ELFN1: variants seen among roughly 807,000 people sequenced by gnomAD.
The protein encoded by ELFN1 is extracellular leucine rich repeat and fibronectin type III domain containing 1, also known as protein ELFN1.
ELFN1 carries 6 observed loss-of-function variants against 7.6 expected under a neutral mutation model. The ratio of observed to expected loss-of-function variants is 0.79; its 90% CI spans 0.43 to 1.56. The LOEUF (loss-of-function observed/expected upper bound fraction) is 1.56, where lower values mean the gene tolerates loss of function less well. ELFN1 is among the 40% of genes most tolerant of loss of function. The probability of loss-of-function intolerance (pLI) is 0.01; values close to 1 mark genes in which losing one functional copy is unlikely to be tolerated. For missense variants in ELFN1, 1,169 were observed against 1,232.2 expected (o/e 0.95, Z 0.77); for synonymous variants, 657 against 588.1 (o/e 1.12, Z -1.70).
intron 3 of ELFN1, among the ~76,000 whole-genome samples, chr7:1,711,142 C>T (rs1779641034): frequency 6.6e-6 from 1 of 152,250 alleles, no homozygotes; most frequent in African/African-American, 2.4e-5. Flanking sequence ...CCAAGCCCTG[C>T]TGACCTCAAT....
chr7:1,715,676 T>C (rs1003114423), intron 3 of ELFN1, among the ~76,000 whole-genome samples: 5 of 152,250 alleles, frequency 3.3e-5, no homozygotes, highest in Middle Eastern at 3.4e-3. Flanking sequence ...ATTTACATCC[T>C]GTGACTCCTG....
intron 2 of ELFN1, among the ~76,000 whole-genome samples, chr7:1,696,503 C>T (rs1779317277): frequency 6.6e-6 from 1 of 151,962 alleles, no homozygotes; most frequent in Non-Finnish European, 1.5e-5. Context: ...GCCATCCTCC[C>T]ACCTCAGGTT....
intron 3 of ELFN1, among the ~76,000 whole-genome samples, chr7:1,722,115 G>C (rs1274565642): frequency 6.6e-6 from 1 of 152,182 alleles, no homozygotes. Context: ...GACCAGACAG[G>C]TTGTCTAGCT....
At chr7:1,667,622 C>G (rs1778690244), upstream of ELFN1, among the ~76,000 whole-genome samples, 1 of 152,184 alleles carries the variant, frequency 6.6e-6, no homozygotes, top group African/African-American at 2.4e-5. This position sits in a 1 kb window ranked among gnomAD's most constrained non-coding sequence, Gnocchi z 8.2. Flanking sequence ...AGTCCTTCTT[C>G]CTGCCTCGGT....
chr7:1,669,759 C>T (rs1017295400), upstream of ELFN1, among the ~76,000 whole-genome samples: 2 of 152,210 alleles, frequency 1.3e-5, no homozygotes, highest in Non-Finnish European at 2.9e-5. Flanking sequence ...CCTGCCCTCC[C>T]GGATAAGGGG....
intron 3 of ELFN1, among the ~76,000 whole-genome samples, chr7:1,716,195 T>C (rs914579393): frequency 6.6e-6 from 1 of 151,946 alleles, no homozygotes; most frequent in Non-Finnish European, 1.5e-5. Flanking sequence ...CACCCCAAGG[T>C]TCTGCCCACC....
rs772117969 is a variant in ELFN1, at chr7:1,705,470, G to T, written c.-455-3621G>T. On this transcript the variant is annotated intron_variant, in intron 2 of 3. Transcript: ENST00000424383. The surrounding 1 kb of genome is among the most constrained non-coding windows in gnomAD (Gnocchi z 4.3). Reference sequence around the variant, plus strand: ...AGGAGCTCCCCCCAACCGCCAGGGTGCCAGGGGAGTGAGTCCAGCGTGGCA... The same window carrying T: ...AGGAGCTCCCCCCAACCGCCAGGGTTCCAGGGGAGTGAGTCCAGCGTGGCA... Among the ~76,000 whole-genome samples, 1 of 152,240 alleles carries T rather than the reference G, an allele frequency of 6.6e-6. No individual in the cohort carries two copies. Among genetic ancestry groups the T allele is most frequent in the Admixed American group, 6.5e-5 (1 of 15,290 alleles).
At chr7:1,675,143 T>C (rs1778844436) in intron 1 of ELFN1, among the ~76,000 whole-genome samples, 1 of 142,620 alleles carries the variant, frequency 7.0e-6, no homozygotes, top group Admixed American at 6.9e-5. Flanking sequence ...ATTCCACCCC[T>C]GTGCACCCCC....
chr7:1,733,733 C>G (rs1436403814), intron 3 of ELFN1, among the ~76,000 whole-genome samples: 1 of 152,168 alleles, frequency 6.6e-6, no homozygotes, highest in Non-Finnish European at 1.5e-5. Context: ...CAAAACCATG[C>G]CCCAAATCTC....
At position 1,744,674 on chromosome 7, in the gene ELFN1, C is replaced by A. The variant is rs375131305; in HGVS notation, c.78C>A (p.Arg26=). 9 of 1,550,966 alleles carry A rather than the reference C, an allele frequency of 5.8e-6. No individual in the cohort carries two copies. The highest frequency in any genetic ancestry group is 2.0e-5 in the Admixed American group (1 of 50,996). The stretch of plus-strand genomic sequence containing the variant: ...TGCTGCACGCTGGCGGCCTGGCCCG[C>A]GCAGACTGCTGGCTGATCGAGGGCG... The part of the protein sequence containing the change: ...ATLLHAGGLA[R]ADCWLIEGDK... The change falls in exon 4 of 4, where the codon CGC becomes CGA. Residue 26 remains arginine, a synonymous_variant. Coordinates refer to ENST00000424383, the MANE Select transcript of ELFN1 (RefSeq NM_001128636.4).
intron 1 of ELFN1, among the ~76,000 whole-genome samples, chr7:1,674,924 ATT>A (rs1361356400): frequency 6.6e-6 from 1 of 152,138 alleles, no homozygotes; most frequent in Non-Finnish European, 1.5e-5. Flanking sequence ...CAATCTCTGA[ATT>A]TTAAAGATAG....
chr7:1,727,678 G>A (rs930392851), intron 3 of ELFN1, among the ~76,000 whole-genome samples: 1 of 152,098 alleles, frequency 6.6e-6, no homozygotes, highest in African/African-American at 2.4e-5. Context: ...GTGTGATCAT[G>A]GCTCACTGTA....
At chr7:1,708,369 G>A (rs1460815506) in intron 2 of ELFN1, among the ~76,000 whole-genome samples, 1 of 152,228 alleles carries the variant, frequency 6.6e-6, no homozygotes, top group Non-Finnish European at 1.5e-5. Context: ...GTGGGTGGAC[G>A]AATGACCTGA....
In ELFN1 at chr7:1,745,414, G is replaced by A; in HGVS notation, c.818G>A (p.Gly273Asp). ...PRPASGRSQPGRSPPPPPPPE... is the reference protein window; with the variant it reads ...PRPASGRSQPDRSPPPPPPPE... ...CCAGCATCCGGGCGCTCACAGCCGG[G>A]CCGCTCCCCGCCGCCCCCGCCTCCG... Residue 273 changes from glycine (G) to aspartate (D), a missense_variant, in exon 4 of 4, where the codon GGC (glycine) becomes GAC (aspartate). By Grantham distance (94) the Gly-to-Asp change is moderately conservative (BLOSUM62 -1). Coordinates refer to ENST00000424383, the MANE Select transcript of ELFN1 (RefSeq NM_001128636.4). The A allele has an allele frequency of 6.5e-7, 1 of 1,538,882 alleles. No individual in the cohort carries two copies. The highest frequency in any genetic ancestry group is 1.2e-5 in the South Asian group (1 of 83,954).
At chr7:1,712,174 G>GTTTTT (rs533627017) in intron 3 of ELFN1, among the ~76,000 whole-genome samples, 1 of 152,152 alleles carries the variant, frequency 6.6e-6, no homozygotes, top group African/African-American at 2.4e-5. Flanking sequence ...AAGTTTGTCT[G>GTTTTT]TTTCTTTTCT....
intron 2 of ELFN1, among the ~76,000 whole-genome samples, chr7:1,691,361 G>A (rs1779159976): frequency 6.6e-6 from 1 of 152,210 alleles, no homozygotes; most frequent in Non-Finnish European, 1.5e-5. Flanking sequence ...CTTCTGCTCT[G>A]CAGCCTTGGG....
At chr7:1,674,840 G>A (rs1194791907) in intron 1 of ELFN1, among the ~76,000 whole-genome samples, 5 of 152,132 alleles carry the variant, frequency 3.3e-5, no homozygotes, top group African/African-American at 9.7e-5. Flanking sequence ...AGGCACAGCC[G>A]GGCGGGAAAC....
At chr7:1,691,047 G>C (rs967908829) in intron 2 of ELFN1, among the ~76,000 whole-genome samples, 2 of 151,668 alleles carry the variant, frequency 1.3e-5, no homozygotes, top group African/African-American at 4.9e-5. Flanking sequence ...AAGTCCCCCA[G>C]GTAAAGAGGC....
rs3735664 is a variant in ELFN1, at chr7:1,739,105, C to G, written c.-293-5199C>G. 2.0e-5 allele frequency: 3 copies of G among 151,652 alleles called. No homozygotes were observed. The highest frequency in any genetic ancestry group is 7.3e-5 in the African/African-American group (3 of 41,222). 9.4% of individuals were successfully genotyped at this position (151,652 alleles called of 1,614,324 possible). A position where few individuals can be genotyped will look rare whatever the true frequency, so the allele number is the denominator to read the frequency against. ...ATCCAGTGGGCCCTGGAGATTGTGT[C>G]TGGAGGCCGGATTCTCCTCCACGCG... On this transcript the variant is annotated intron_variant, in intron 3 of 3. Coordinates refer to ENST00000424383, the MANE Select transcript of ELFN1 (RefSeq NM_001128636.4). The surrounding 1 kb of genome is among the most constrained non-coding windows in gnomAD (Gnocchi z 4.6).
Sources: gnomAD v4.1 joint callset for allele counts (sites outside exome capture counted in the v4.1 genomes callset) on GRCh38, gnomAD v4.1.1 for gene constraint, Gnocchi (gnomAD v3.1) non-coding constraint, MANE v1.5 for transcripts, NCBI Gene and HGNC (gene_info 2026-07-23, HGNC 2026-07-21) for gene names.